GALNT13: variants seen among roughly 807,000 people sequenced by gnomAD.
The protein encoded by GALNT13 is polypeptide N-acetylgalactosaminyltransferase 13, also known as UDP-GalNAc:polypeptide N-acetylgalactosaminyltransferase 13.
In GALNT13, 28 loss-of-function variants were observed where a neutral mutation model predicts 64.2. That is an observed-to-expected ratio of 0.44 (90% confidence interval 0.32 to 0.60). The LOEUF is 0.60. GALNT13 is among the 20% of genes least tolerant of loss of function. The probability of loss-of-function intolerance (pLI) is 0.05; values close to 1 mark genes in which losing one functional copy is unlikely to be tolerated. For missense variants in GALNT13, 577 were observed against 669.8 expected (o/e 0.86, Z 1.53); for synonymous variants, 214 against 224.6 (o/e 0.95, Z 0.42).
At chr2:153,587,806 C>T in the GALNT13 span, among the ~76,000 whole-genome samples, 30 of 152,318 alleles carry the variant, frequency 2.0e-4, no homozygotes, top group South Asian at 1.9e-3. Context: ...TCAGCATTAA[C>T]TCAAAAGTCC....
chr2:154,081,169 T>C (rs1021833845), intron 3 of GALNT13, among the ~76,000 whole-genome samples: 3 of 151,598 alleles, frequency 2.0e-5, no homozygotes, highest in African/African-American at 7.3e-5. Flanking sequence ...TAGACCATAC[T>C]CTATGTAAAT....
intron 9 of GALNT13, among the ~76,000 whole-genome samples, chr2:154,352,498 C>T (rs530805826): frequency 6.6e-6 from 1 of 152,244 alleles, no homozygotes; most frequent in Admixed American, 6.5e-5. Context: ...AGGCTCACAG[C>T]CAATGAGGTA....
At chr2:153,362,522 A>C in the GALNT13 span, among the ~76,000 whole-genome samples, 5 of 135,632 alleles carry the variant, frequency 3.7e-5, no homozygotes, top group Non-Finnish European at 7.8e-5. Flanking sequence ...AATTATACGG[A>C]TGGAGGAATA....
chr2:154,125,889 A>C (rs1682231829), intron 3 of GALNT13, among the ~76,000 whole-genome samples: 1 of 152,192 alleles, frequency 6.6e-6, no homozygotes, highest in Non-Finnish European at 1.5e-5. Flanking sequence ...TCTTTTTATA[A>C]GAGTAGAATG....
At chr2:154,133,628 AC>A (rs1170933510) in intron 3 of GALNT13, among the ~76,000 whole-genome samples, 1 of 140,800 alleles carries the variant, frequency 7.1e-6, no homozygotes, top group Non-Finnish European at 1.5e-5. Flanking sequence ...TATTCTAATT[AC>A]TTTTTTATCA....
intron 2 of GALNT13, among the ~76,000 whole-genome samples, chr2:153,922,459 A>G (rs1455415591): frequency 6.6e-6 from 1 of 152,202 alleles, no homozygotes; most frequent in Non-Finnish European, 1.5e-5. Context: ...CATTTAAGCT[A>G]TGAAAATATA....
chr2:154,167,140 ATAAAAT>A (rs1232089034), intron 4 of GALNT13, among the ~76,000 whole-genome samples: 2 of 152,192 alleles, frequency 1.3e-5, no homozygotes, highest in Non-Finnish European at 2.9e-5. Context: ...AAAAATGAAA[ATAAAAT>A]TAAAAAGAAA....
chr2:154,355,938 G>C (rs1251278449), intron 9 of GALNT13, among the ~76,000 whole-genome samples: 1 of 151,944 alleles, frequency 6.6e-6, no homozygotes, highest in East Asian at 1.9e-4. Context: ...CTTCCTGCCA[G>C]TATCTTTAAT....
chr2:154,228,166 T>G (rs6741431), intron 4 of GALNT13, among the ~76,000 whole-genome samples: 3,699 of 152,168 alleles, frequency 0.024, 133 homozygotes, highest in African/African-American at 0.077. Context: ...GTTTTTATAT[T>G]TCATTTTCCC....
intron 3 of GALNT13, among the ~76,000 whole-genome samples, chr2:154,051,030 T>C (rs1699575773): frequency 6.6e-6 from 1 of 152,196 alleles, no homozygotes; most frequent in Admixed American, 6.5e-5. Flanking sequence ...TCGGAAACTT[T>C]GGGAACATTG....
intron 9 of GALNT13, among the ~76,000 whole-genome samples, chr2:154,323,141 G>A (rs1306235277): frequency 1.3e-5 from 2 of 151,510 alleles, no homozygotes; most frequent in African/African-American, 2.4e-5. Context: ...TTCAAAGGAA[G>A]GAGTAGCAGC....
chr2:153,782,932 A>G, the GALNT13 span, among the ~76,000 whole-genome samples: 1 of 152,166 alleles, frequency 6.6e-6, no homozygotes, highest in Non-Finnish European at 1.5e-5. Context: ...GAGGCCTGTC[A>G]ACACCCAGGT....
chr2:153,180,051 C>A, the GALNT13 span, among the ~76,000 whole-genome samples: 1 of 152,100 alleles, frequency 6.6e-6, no homozygotes, highest in Non-Finnish European at 1.5e-5. Context: ...TTGGCAAAAA[C>A]TTCTAATGCT....
chr2:153,545,224 C>T, the GALNT13 span, among the ~76,000 whole-genome samples: 3 of 152,128 alleles, frequency 2.0e-5, no homozygotes, highest in African/African-American at 7.2e-5. Context: ...CCTGCTCAGC[C>T]ATTTCTGAGA....
chr2:154,268,893 C>A (rs78228786), intron 8 of GALNT13, among the ~76,000 whole-genome samples: 22,610 of 152,016 alleles, frequency 0.15, 2,175 homozygotes, highest in East Asian at 0.3. Flanking sequence ...ATTATAATTA[C>A]CCTTAAAATA....
chr2:154,081,750 A>G (rs893745521), intron 3 of GALNT13, among the ~76,000 whole-genome samples: 13 of 151,764 alleles, frequency 8.6e-5, no homozygotes, highest in Non-Finnish European at 1.6e-4. Flanking sequence ...GACCATTGTC[A>G]AATGACCGTT....
chr2:154,192,467 T>A (rs1686648049), intron 4 of GALNT13, among the ~76,000 whole-genome samples: 1 of 152,122 alleles, frequency 6.6e-6, no homozygotes, highest in Non-Finnish European at 1.5e-5. Flanking sequence ...GACCATGAAG[T>A]CAGCCAGGTT....
intron 4 of GALNT13, among the ~76,000 whole-genome samples, chr2:154,209,177 C>G (rs899877339): frequency 6.6e-6 from 1 of 151,974 alleles, no homozygotes; most frequent in Non-Finnish European, 1.5e-5. Context: ...TAAATGAGAG[C>G]AAGTGATGTT....
chr2:153,624,883 C>A, the GALNT13 span, among the ~76,000 whole-genome samples: 4 of 147,504 alleles, frequency 2.7e-5, no homozygotes, highest in Non-Finnish European at 5.9e-5. Flanking sequence ...GTTCAGAAGA[C>A]AGTTGATATA....
Sources: gnomAD v4.1 joint callset for allele counts (sites outside exome capture counted in the v4.1 genomes callset) on GRCh38, gnomAD v4.1.1 for gene constraint, MANE v1.5 for transcripts, NCBI Gene and HGNC (gene_info 2026-07-23, HGNC 2026-07-21) for gene names.